The following NLRP14 variants were observed in gnomAD, a reference collection of about 807,000 sequenced individuals.
The protein encoded by NLRP14 is NLR family pyrin domain containing 14, also known as NACHT, LRR and PYD domains-containing protein 14.
In NLRP14, 105 loss-of-function variants were observed where a neutral mutation model predicts 94.7. The observed-to-expected ratio is 1.11, with a 90% CI of 0.95 to 1.30. The LOEUF is 1.30. Ranked by LOEUF, NLRP14 falls within the 50% of genes most tolerant of loss-of-function variation. The pLI is 0.00. For synonymous variants in NLRP14, 508 were observed against 459.9 expected (o/e 1.10, Z -1.34); for missense variants, 1,362 against 1,254.1 (o/e 1.09, Z -1.30).
At chr11:7,054,480 G>A (rs1052499295) in intron 6 of NLRP14, among the ~76,000 whole-genome samples, 1 of 152,048 alleles carries the variant, frequency 6.6e-6, no homozygotes, top group Admixed American at 6.6e-5. Context: ...GTTATTGACT[G>A]AATTTTGGAT....
Position 7,071,369 on chromosome 11 carries a change from T to A in NLRP14, c.*61T>A. The A allele has an allele frequency of 1.4e-6, 2 of 1,416,978 alleles. No individual in the cohort carries two copies. The highest frequency in any genetic ancestry group is 2.0e-6 in the Non-Finnish European group (2 of 1,021,704). The allele number at this position is 1,416,978 out of a possible 1,614,324, so 87.8% of individuals were successfully genotyped here. A position where few individuals can be genotyped will look rare whatever the true frequency, so the allele number is the denominator to read the frequency against. On this transcript the variant is annotated 3_prime_UTR_variant, in exon 12 of 12. Transcript: ENST00000299481. ...ATAAATACATACATACATAGATATA[T>A]ACCCAGACTTGGGTGCTTAGCTTCA...
downstream of NLRP14, among the ~76,000 whole-genome samples, chr11:7,073,543 ACTCTCCC>A (rs1045127024): frequency 1.3e-5 from 2 of 150,806 alleles, no homozygotes; most frequent in Admixed American, 6.6e-5. Context: ...GTCCCACAAG[ACTCTCCC>A]CTATTTGAAG....
chr11:7,084,500 GATTGACTTAATC>G, the NLRP14 span, among the ~76,000 whole-genome samples: 1 of 152,110 alleles, frequency 6.6e-6, no homozygotes, highest in African/African-American at 2.4e-5. Flanking sequence ...ATGGACTAGA[GATTGACTTAATC>G]AATTGTGTCT....
chr11:7,020,676 G>T lies in NLRP14; in HGVS notation c.-116G>T, dbSNP rs577084802. 1.3e-5 allele frequency: 2 copies of T among 152,466 alleles called. No homozygotes were observed. Among genetic ancestry groups the T allele is most frequent in the South Asian group, 4.1e-4 (2 of 4,824 alleles). 9.4% of individuals were successfully genotyped at this position (152,466 alleles called of 1,614,324 possible). Reference sequence around the variant, plus strand: ...GAGGAAACGCTGTCAGGTCGCCTTTGGTTGGCAAGGCGTGGTTGTCCTCGC... The same window carrying T: ...GAGGAAACGCTGTCAGGTCGCCTTTTGTTGGCAAGGCGTGGTTGTCCTCGC... On this transcript the variant is annotated 5_prime_UTR_variant, in exon 1 of 12. Coordinates refer to ENST00000299481, the MANE Select transcript of NLRP14 (RefSeq NM_176822.4).
chr11:7,049,231 G>A (rs11041154), intron 5 of NLRP14, among the ~76,000 whole-genome samples: 14,015 of 152,208 alleles, frequency 0.092, 710 homozygotes, highest in Admixed American at 0.16. Context: ...ACCTGCCTCC[G>A]TATGCCTAAC....
chr11:7,043,517 T>G lies in NLRP14; in HGVS notation c.1491T>G (p.Ser497Arg), dbSNP rs1336337002. 4 of 1,614,048 alleles carry G rather than the reference T, an allele frequency of 2.5e-6. No homozygotes were observed. In the Admixed American group the frequency reaches 5.0e-5, roughly 20 times the overall value. The change falls in exon 4 of 12, where the codon AGT becomes AGG. Residue 497 changes from serine to arginine, a missense_variant. By Grantham distance (110) the Ser-to-Arg change is moderately radical. Transcript: ENST00000299481. ...FAAMFYMLKGSWEAGNPSCQP... is the reference protein window; with the variant it reads ...FAAMFYMLKGRWEAGNPSCQP... ...CTATGTTCTATATGTTGAAAGGCAGTTGGGAAGCTGGGAACCCTTCCTGCC... is the reference window on the plus strand; with the variant it reads ...CTATGTTCTATATGTTGAAAGGCAGGTGGGAAGCTGGGAACCCTTCCTGCC...
the NLRP14 span, among the ~76,000 whole-genome samples, chr11:7,088,654 A>G: frequency 1.6e-4 from 24 of 149,828 alleles, no homozygotes; most frequent in Admixed American, 4.0e-4. Context: ...CTATTTTTCA[A>G]TAATTGAAAA....
chr11:7,038,264 A>G (rs1162738669), intron 1 of NLRP14, among the ~76,000 whole-genome samples: 1 of 152,206 alleles, frequency 6.6e-6, no homozygotes, highest in East Asian at 1.9e-4. Context: ...CCCACTTAGC[A>G]GAAGAGTAAG....
At chr11:7,071,116 G>C in intron 11 of NLRP14, 57 bp from the exon 12 acceptor site, 10 of 1,596,606 alleles carry the variant, frequency 6.3e-6, no homozygotes, top group Non-Finnish European at 8.6e-6. Flanking sequence ...TACAGAGAAA[G>C]TGGAGGGCTG....
chr11:7,059,200 T>C (rs1246161946), intron 8 of NLRP14, among the ~76,000 whole-genome samples: 1 of 150,236 alleles, frequency 6.7e-6, no homozygotes, highest in African/African-American at 2.4e-5. Flanking sequence ...ATATCACATA[T>C]ATTATTATTT....
rs143300230 is a variant in NLRP14, at chr11:7,028,138, T to C, written c.-22+7368T>C. Among the ~76,000 whole-genome samples, 17 of 152,300 alleles carry C rather than the reference T, an allele frequency of 1.1e-4. No individual in the cohort carries two copies. The East Asian group carries it at 3.3e-3, about 29-fold the overall frequency. ...TTGTATCTACTGCTCAGACTTTGAATTCTAACTCCAAACTCCTTCCTTGTC... is the reference window on the plus strand; with the variant it reads ...TTGTATCTACTGCTCAGACTTTGAACTCTAACTCCAAACTCCTTCCTTGTC... On this transcript the variant is annotated intron_variant, in intron 1 of 11. Transcript: ENST00000299481.
At chr11:7,034,373 C>G (rs1427727399) in intron 1 of NLRP14, among the ~76,000 whole-genome samples, 1 of 152,160 alleles carries the variant, frequency 6.6e-6, no homozygotes, top group Non-Finnish European at 1.5e-5. Context: ...CTATGAGATG[C>G]TATCGGCTCA....
intron 10 of NLRP14, among the ~76,000 whole-genome samples, chr11:7,063,272 A>G (rs1030999861): frequency 6.6e-6 from 1 of 152,086 alleles, no homozygotes; most frequent in African/African-American, 2.4e-5. Flanking sequence ...AACCAAACCC[A>G]CAAGACTCTT....
downstream of NLRP14, among the ~76,000 whole-genome samples, chr11:7,075,075 C>T (rs893310035): frequency 7.2e-5 from 11 of 152,034 alleles, no homozygotes; most frequent in African/African-American, 2.4e-4. Flanking sequence ...GGAAGAAAGC[C>T]TAAGGGTAGT....
At chr11:7,047,327 T>C (rs1271929509) in intron 5 of NLRP14, among the ~76,000 whole-genome samples, 1 of 152,150 alleles carries the variant, frequency 6.6e-6, no homozygotes, top group Admixed American at 6.5e-5. Context: ...CGTTTTTTTT[T>C]TTCCTGAGAC....
intron 9 of NLRP14, 148 bp downstream of exon 9, chr11:7,060,212 G>A (rs974508805): frequency 1.3e-6 from 1 of 765,220 alleles, no homozygotes; most frequent in Non-Finnish European, 2.3e-6. Flanking sequence ...ACAAGCTGGG[G>A]AAGTCTGCTC....
At chr11:7,063,474 C>T (rs564998423) in intron 10 of NLRP14, among the ~76,000 whole-genome samples, 7 of 152,122 alleles carry the variant, frequency 4.6e-5, no homozygotes, top group East Asian at 1.9e-4. Flanking sequence ...GCTGTTTGTC[C>T]CTCAAGGTTG....
chr11:7,084,874 G>A, the NLRP14 span, among the ~76,000 whole-genome samples: 2 of 152,186 alleles, frequency 1.3e-5, no homozygotes, highest in Non-Finnish European at 2.9e-5. Flanking sequence ...GGTGTCTGAA[G>A]TTGGGGGTAA....
chr11:7,067,842 G>A lies in NLRP14; in HGVS notation c.2976-2444G>A, dbSNP rs190239646. On this transcript the variant is annotated intron_variant, in intron 10 of 11. Coordinates refer to ENST00000299481, the MANE Select transcript of NLRP14 (RefSeq NM_176822.4). ...GTTCAGGAGTGTTTCTTATCTTTTA[G>A]TTTCCTGAGAAGATTTTTGTAAGAT... Among the ~76,000 whole-genome samples, 41 of 152,106 alleles carry A rather than the reference G, an allele frequency of 2.7e-4. No individual in the cohort carries two copies. In the South Asian group the frequency reaches 4.2e-3, roughly 15 times the overall value.
Sources: gnomAD v4.1 joint callset for allele counts (sites outside exome capture counted in the v4.1 genomes callset) on GRCh38, gnomAD v4.1.1 for gene constraint, MANE v1.5 for transcripts, NCBI Gene and HGNC (gene_info 2026-07-23, HGNC 2026-07-21) for gene names.